Variants in GALNT18 observed in about 807,000 individuals in gnomAD.
The protein encoded by GALNT18 is GalNAc-transferase 18.
Under a neutral mutation model 69.5 loss-of-function variants are expected in GALNT18, and 44 were observed. The ratio of observed to expected loss-of-function variants is 0.63; its 90% CI spans 0.50 to 0.81. GALNT18 has a LOEUF of 0.81. GALNT18 is among the 40% of genes least tolerant of loss of function. GALNT18 has a pLI of 0.00. For missense variants in GALNT18, 715 were observed against 810.0 expected (o/e 0.88, Z 1.42); for synonymous variants, 364 against 318.2 (o/e 1.14, Z -1.53).
chr11:11,435,962 C>T lies in GALNT18; in HGVS notation c.429-3175G>A, dbSNP rs962489535. Among the ~76,000 whole-genome samples the T allele has an allele frequency of 3.9e-5, 6 of 152,260 alleles. No individual in the cohort carries two copies. Among genetic ancestry groups the T allele is most frequent in the African/African-American group, 1.4e-4 (6 of 41,466 alleles). ...CCTTCTTTTCTCTTCTCTCCTGGGA[C>T]TGCTGGGGCCTCCTGGCGACAGCCA... On this transcript the variant is annotated intron_variant, in intron 2 of 10. Transcript: ENST00000227756. The surrounding 1 kb of genome is among the most constrained non-coding windows in gnomAD (Gnocchi z 4.4).
intron 1 of GALNT18, among the ~76,000 whole-genome samples, chr11:11,503,452 A>G (rs748672941): frequency 3.9e-5 from 6 of 152,102 alleles, no homozygotes; most frequent in African/African-American, 4.8e-5. Context: ...CTCCACTGCA[A>G]TTTCCAGTTT....
intron 10 of GALNT18, among the ~76,000 whole-genome samples, chr11:11,289,735 G>A (rs1849264108): frequency 6.6e-6 from 1 of 152,158 alleles, no homozygotes; most frequent in African/African-American, 2.4e-5. Context: ...GTGAGGGCTG[G>A]AAAGAGGGTA....
rs1012514463 is a variant in GALNT18, at chr11:11,542,088, C to T, written c.235+79271G>A. On this transcript the variant is annotated intron_variant, in intron 1 of 10. Transcript: ENST00000227756. The surrounding 1 kb of genome is among the most constrained non-coding windows in gnomAD (Gnocchi z 4.3). Reference sequence around the variant, plus strand: ...AGAGGGAAACTGCCCAGTGAGGAGGCTGCAGAGGGTTCCACGCACCCCGCT... The same window carrying T: ...AGAGGGAAACTGCCCAGTGAGGAGGTTGCAGAGGGTTCCACGCACCCCGCT... Among the ~76,000 whole-genome samples the T allele has an allele frequency of 6.6e-6, 1 of 152,198 alleles. No individual in the cohort carries two copies. The highest frequency in any genetic ancestry group is 2.4e-5 in the African/African-American group (1 of 41,456).
rs546723792 is a variant in GALNT18 at position 11,462,226 on chromosome 11, A to G, written c.236-13290T>C. Among the ~76,000 whole-genome samples the G allele has an allele frequency of 2.4e-3, 358 of 151,560 alleles. 4 individuals carry two copies. The highest frequency in any genetic ancestry group is 7.9e-3 in the African/African-American group (328 of 41,340). ...CTCAGCTGTAGAGGAGGAACTTCCT[A>G]GTCTTGGCTCTCAGTACATTCAGTG... On this transcript the variant is annotated intron_variant, in intron 1 of 10. Transcript: ENST00000227756.
chr11:11,553,009 T>A (rs1466426776), intron 1 of GALNT18, among the ~76,000 whole-genome samples: 1 of 152,084 alleles, frequency 6.6e-6, no homozygotes, highest in African/African-American at 2.4e-5. Context: ...GTGAGTTTAA[T>A]CTAGATCAGT....
At chr11:11,612,228 A>C (rs1026862546) in intron 1 of GALNT18, among the ~76,000 whole-genome samples, 1 of 152,206 alleles carries the variant, frequency 6.6e-6, no homozygotes, top group African/African-American at 2.4e-5. Context: ...GGAATCACTA[A>C]TTTTAAAAAT....
At chr11:11,355,583 T>C (rs1850514237) in intron 6 of GALNT18, among the ~76,000 whole-genome samples, 1 of 152,218 alleles carries the variant, frequency 6.6e-6, no homozygotes, top group Non-Finnish European at 1.5e-5. Context: ...TATTTATTTA[T>C]ATATGCCAAA....
Position 11,377,421 on chromosome 11 carries a change from A to T in GALNT18, c.780-42T>A. The T allele has an allele frequency of 2.5e-6, 4 of 1,591,174 alleles. No individual in the cohort carries two copies. The highest frequency in any genetic ancestry group is 3.4e-6 in the Non-Finnish European group (4 of 1,160,834). On this transcript the variant is annotated intron_variant, in intron 4 of 10. Coordinates refer to ENST00000227756, the MANE Select transcript of GALNT18 (RefSeq NM_198516.3). This position sits in a 1 kb window ranked among gnomAD's most constrained non-coding sequence, Gnocchi z 4.6. ...CAGCCAGAGAGGGTAACCATTTCCA[A>T]GGTGGAAAAATCCAGAGTAGCATCT...
intron 6 of GALNT18, among the ~76,000 whole-genome samples, chr11:11,344,706 G>A (rs1415159751): frequency 6.6e-6 from 1 of 152,198 alleles, no homozygotes; most frequent in African/African-American, 2.4e-5. Flanking sequence ...TGTGGGTGAG[G>A]GGATGCAGTG....
rs933819100 is a variant in GALNT18 at position 11,387,752 on chromosome 11, G to A, written c.596-8488C>T. Among the ~76,000 whole-genome samples, 2 of 152,306 alleles carry A rather than the reference G, an allele frequency of 1.3e-5. No individual in the cohort carries two copies. The highest frequency in any genetic ancestry group is 2.1e-4 in the South Asian group (1 of 4,818). ...TAAATAAAGACAGATGTCACCGTCC[G>A]CACCTCCATGGAGAATCTGGAGTGG... On this transcript the variant is annotated intron_variant, in intron 3 of 10. Transcript: ENST00000227756. This position sits in a 1 kb window ranked among gnomAD's most constrained non-coding sequence, Gnocchi z 4.6.
At position 11,602,857 on chromosome 11, in the gene GALNT18, G is replaced by A. The variant is rs1016013008; in HGVS notation, c.235+18502C>T. 6.6e-6 allele frequency among the ~76,000 whole-genome samples: 1 copy of A among 152,190 alleles called. No individual in the cohort carries two copies. Among genetic ancestry groups the A allele is most frequent in the African/African-American group, 2.4e-5 (1 of 41,450 alleles). On this transcript the variant is annotated intron_variant, in intron 1 of 10. Transcript: ENST00000227756. The surrounding 1 kb of genome is among the most constrained non-coding windows in gnomAD (Gnocchi z 4.7). ...CATATTTTCTGAATTAAAAATAAGG[G>A]TGTATGGTCTGGCAAGAGCTTTGTG...
chr11:11,348,737 A>G lies in GALNT18; in HGVS notation c.1093-7733T>C, dbSNP rs144320120. 7.2e-5 allele frequency among the ~76,000 whole-genome samples: 11 copies of G among 152,232 alleles called. No individual in the cohort carries two copies. In the East Asian group the frequency reaches 2.1e-3, roughly 29 times the overall value. ...TCTTTCTGCCACTCTCTTTACTGGA[A>G]ATTCCCATGCCCCTACCACGTATAC... On this transcript the variant is annotated intron_variant, in intron 6 of 10. Transcript: ENST00000227756.
At position 11,326,979 on chromosome 11, in the gene GALNT18, C is replaced by G. The variant is rs961039220; in HGVS notation, c.1512+107G>C. On this transcript the variant is annotated intron_variant, in intron 9 of 10. Transcript: ENST00000227756. ...CAGAGGCCCCTGGTCCCAGAGCTGC[C>G]ATGACAGAGCCTAGCTCTCCTTCCC... 6.4e-5 allele frequency: 52 copies of G among 808,746 alleles called. 1 individual carries two copies. The highest frequency in any genetic ancestry group is 1.0e-4 in the Non-Finnish European group (50 of 482,212). The allele number at this position is 808,746 out of a possible 1,614,324, so 50.1% of individuals were successfully genotyped here.
chr11:11,590,396 G>A lies in GALNT18; in HGVS notation c.235+30963C>T, dbSNP rs1330401668. ...CCCACAAGGAACTTCCACATTGCTT[G>A]TTGGGTAAGTGAGGGATATTTTCAT... is the stretch of plus-strand genomic sequence containing the variant. On this transcript the variant is annotated intron_variant, in intron 1 of 10. Transcript: ENST00000227756. The surrounding 1 kb of genome is among the most constrained non-coding windows in gnomAD (Gnocchi z 4.4). Among the ~76,000 whole-genome samples the A allele has an allele frequency of 6.6e-6, 1 of 152,226 alleles. No individual in the cohort carries two copies. The highest frequency in any genetic ancestry group is 1.5e-5 in the Non-Finnish European group (1 of 68,028).
intron 10 of GALNT18, among the ~76,000 whole-genome samples, chr11:11,292,072 A>G (rs143653305): frequency 3.9e-5 from 6 of 152,196 alleles, no homozygotes; most frequent in Non-Finnish European, 8.8e-5. Flanking sequence ...GGGAGGCTGG[A>G]GTCAGGGACT....
intron 6 of GALNT18, among the ~76,000 whole-genome samples, chr11:11,354,217 C>G (rs1850479745): frequency 6.6e-6 from 1 of 152,206 alleles, no homozygotes; most frequent in Non-Finnish European, 1.5e-5. Flanking sequence ...TCATTTAATA[C>G]AGATTTACAA....
At chr11:11,326,779 A>G (rs897017021) in intron 9 of GALNT18, among the ~76,000 whole-genome samples, 6 of 152,188 alleles carry the variant, frequency 3.9e-5, no homozygotes, top group Non-Finnish European at 8.8e-5. Flanking sequence ...ACTGTGATGT[A>G]CCCATAGTTT....
At chr11:11,526,057 G>C (rs189836761) in intron 1 of GALNT18, among the ~76,000 whole-genome samples, 1 of 152,204 alleles carries the variant, frequency 6.6e-6, no homozygotes, top group Non-Finnish European at 1.5e-5. Context: ...AGGCTCCAGA[G>C]GCAGTGTAGA....
At chr11:11,447,545 C>T (rs1329383107) in intron 2 of GALNT18, among the ~76,000 whole-genome samples, 3 of 152,170 alleles carry the variant, frequency 2.0e-5, no homozygotes, top group African/African-American at 7.2e-5. Context: ...TGAAGAAATA[C>T]CTGTGACTGG....
Sources: gnomAD v4.1 joint callset for allele counts (sites outside exome capture counted in the v4.1 genomes callset) on GRCh38, gnomAD v4.1.1 for gene constraint, Gnocchi (gnomAD v3.1) non-coding constraint, MANE v1.5 for transcripts, NCBI Gene and HGNC (gene_info 2026-07-23, HGNC 2026-07-21) for gene names.